Variants in PLOD2 observed in about 807,000 individuals in gnomAD.
PLOD2 encodes lysine hydroxylase 2.
In PLOD2, 65 loss-of-function variants were observed where a neutral mutation model predicts 101.0. That is an observed-to-expected ratio of 0.64 (90% CI 0.53 to 0.79). The LOEUF (loss-of-function observed/expected upper bound fraction) is 0.79. PLOD2 is among the 30% of genes least tolerant of loss of function. The probability of loss-of-function intolerance (pLI) is 0.00; values close to 1 mark genes in which losing one functional copy is unlikely to be tolerated. For synonymous variants in PLOD2, 314 were observed against 302.9 expected, an observed-to-expected ratio of 1.04 and a Z score of -0.38; for missense variants, 909 against 914.6, an observed-to-expected ratio of 0.99 and a Z score of 0.08.
At chr3:146,076,462 C>T in intron 15 of PLOD2, 1 of 192,472 alleles carries the variant, frequency 5.2e-6, no homozygotes, top group Non-Finnish European at 1.1e-5. Context: ...GGCTATATAC[C>T]CAGTAATGGA....
In PLOD2 at chr3:146,070,152, C is replaced by T. The variant is rs1050961366; in HGVS notation, c.*565G>A. Reference sequence around the variant, plus strand: ...ATACGCTCCTCGGTTGTGTTTTGTACCATTTTCTTGAGGAAAACGTTGTGT... The same window carrying T: ...ATACGCTCCTCGGTTGTGTTTTGTATCATTTTCTTGAGGAAAACGTTGTGT... On this transcript the variant is annotated 3_prime_UTR_variant, in exon 20 of 20. Coordinates refer to ENST00000282903, the MANE Select transcript of PLOD2 (RefSeq NM_182943.3). The T allele has an allele frequency of 1.3e-5, 2 of 151,880 alleles. No homozygotes were observed. Among genetic ancestry groups the T allele is most frequent in the African/African-American group, 4.8e-5 (2 of 41,384 alleles). The allele number at this position is 151,880 out of a possible 1,614,324, so 9.4% of individuals were successfully genotyped here.
chr3:146,070,051 G>A lies in PLOD2; in HGVS notation c.*666C>T, dbSNP rs1936065909. The A allele has an allele frequency of 6.6e-6, 1 of 151,856 alleles. No individual in the cohort carries two copies. Among genetic ancestry groups the A allele is most frequent in the African/African-American group, 2.4e-5 (1 of 41,416 alleles). 9.4% of individuals were successfully genotyped at this position (151,856 alleles called of 1,614,324 possible). On this transcript the variant is annotated 3_prime_UTR_variant, in exon 20 of 20. Coordinates refer to ENST00000282903, the MANE Select transcript of PLOD2 (RefSeq NM_182943.3). ...TCCACTTTGGAAGATTCATCTGAAA[G>A]AAACATAGGGTTTGATTTTTAATAC... is the stretch of plus-strand genomic sequence containing the variant.
Position 146,104,352 on chromosome 3 carries a change from A to G in PLOD2, c.616-10T>C, listed in dbSNP as rs1559850780. 7.2e-7 allele frequency: 1 copy of G among 1,381,240 alleles called. No individual in the cohort carries two copies. Among genetic ancestry groups the G allele is most frequent in the East Asian group, 2.3e-5 (1 of 43,760 alleles). The allele number at this position is 1,381,240 out of a possible 1,614,324, so 85.6% of individuals were successfully genotyped here. ...TGATGTTAATAGCTTCCTAAAACAT[A>G]AGAATAGAAATGATATTGAAAATGA... is the stretch of plus-strand genomic sequence containing the variant. On this transcript the variant is annotated splice_polypyrimidine_tract_variant and intron_variant, in intron 5 of 19. Transcript: ENST00000282903.
At chr3:146,156,375 T>C (rs61050446) in intron 1 of PLOD2, among the ~76,000 whole-genome samples, 49,039 of 152,168 alleles carry the variant, frequency 0.32, 8,190 homozygotes, top group South Asian at 0.42. Flanking sequence ...TCATAGTCTC[T>C]GTAACTACTA....
chr3:146,125,381 T>A lies in PLOD2; in HGVS notation c.110-1152A>T, dbSNP rs1576614416. ...TACAAAGAAATACTAAATTCAAACA[T>A]TCAATAGTCAACCAAAAAAAATAAT... On this transcript the variant is annotated intron_variant, in intron 1 of 19. Transcript: ENST00000282903. Among the ~76,000 whole-genome samples the A allele has an allele frequency of 3.1e-5, 4 of 129,508 alleles. No individual in the cohort carries two copies. In the Admixed American group the frequency reaches 3.1e-4, roughly 10 times the overall value. 85.0% of individuals were successfully genotyped at this position (129,508 alleles called of 152,430 possible).
At chr3:146,146,944 T>C (rs963995699) in intron 1 of PLOD2, among the ~76,000 whole-genome samples, 8 of 152,154 alleles carry the variant, frequency 5.3e-5, no homozygotes, top group African/African-American at 1.7e-4. Flanking sequence ...ATCTTGTTAG[T>C]TGTGACTAGG....
chr3:146,120,022 A>C (rs567085283), intron 3 of PLOD2, among the ~76,000 whole-genome samples: 1 of 152,168 alleles, frequency 6.6e-6, no homozygotes, highest in Admixed American at 6.5e-5. Flanking sequence ...CACCACACTG[A>C]CTTCCACAAT....
intron 6 of PLOD2, among the ~76,000 whole-genome samples, chr3:146,103,247 G>T (rs1343625065): frequency 6.6e-6 from 1 of 152,038 alleles, no homozygotes; most frequent in African/African-American, 2.4e-5. Flanking sequence ...GTCTTTTAGG[G>T]TTATTATGAA....
In PLOD2 at chr3:146,121,193, C is replaced by T. The variant is rs777324125; in HGVS notation, c.257G>A (p.Gly86Glu). The T allele has an allele frequency of 1.5e-5, 24 of 1,607,880 alleles. No individual in the cohort carries two copies. The highest frequency in any genetic ancestry group is 2.0e-5 in the Non-Finnish European group (23 of 1,174,694). ...TTTCATTAATCTCACTTTCTGGCCC[C>T]CTCCAATACTATTAATTCCATCACC... ...RGGDGINSIG[G>E]GQKVRLMKEV... is the part of the protein sequence containing the mutation. The change falls in exon 3 of 20, where the codon GGG (glycine) becomes GAG (glutamate). Residue 86 changes from glycine (G) to glutamate (E), a missense_variant. Gly to Glu is a moderately conservative substitution (Grantham distance 98, BLOSUM62 -2). Coordinates refer to ENST00000282903, the MANE Select transcript of PLOD2 (RefSeq NM_182943.3).
chr3:146,070,802 T>G lies in PLOD2; in HGVS notation c.2192A>C (p.His731Pro). 1 of 1,609,968 alleles carries G rather than the reference T, an allele frequency of 6.2e-7. No individual in the cohort carries two copies. Among genetic ancestry groups the G allele is most frequent in the African/African-American group, 1.3e-5 (1 of 74,858 alleles). ...ATGCAAATGTGTGAGTCTCCCAGGA[T>G]GCATGAAGCTCCAGCCTTTTCGTGG... The part of the protein sequence containing the change: ...ESPRKGWSFM[H>P]PGRLTHLHEG... Residue 731 changes from histidine to proline, a missense_variant, in exon 20 of 20, where the codon CAT becomes CCT. Transcript: ENST00000282903.
intron 12 of PLOD2, among the ~76,000 whole-genome samples, chr3:146,079,571 G>A (rs777246237): frequency 1.3e-5 from 2 of 151,674 alleles, no homozygotes; most frequent in Admixed American, 6.6e-5. Context: ...TTGTATAGAC[G>A]GTGTTTCTAT....
chr3:146,135,966 T>C (rs751227900), intron 1 of PLOD2, among the ~76,000 whole-genome samples: 3 of 152,190 alleles, frequency 2.0e-5, no homozygotes, highest in Non-Finnish European at 4.4e-5. Flanking sequence ...TGTAAGATTG[T>C]ATCTCTACAA....
intron 11 of PLOD2, 47 bp downstream of exon 11, chr3:146,085,122 A>G: frequency 1.1e-6 from 1 of 907,280 alleles, no homozygotes; most frequent in Admixed American, 1.8e-5. Context: ...ATCAATATGA[A>G]AAATAATCAT....
intron 3 of PLOD2, among the ~76,000 whole-genome samples, chr3:146,113,390 A>T (rs1246117768): frequency 2.0e-5 from 3 of 152,220 alleles, no homozygotes; most frequent in Non-Finnish European, 4.4e-5. Flanking sequence ...TGGCTGTAAA[A>T]AGTCAAATTG....
At chr3:146,103,950 C>T (rs573437775) in intron 6 of PLOD2, among the ~76,000 whole-genome samples, 1 of 151,728 alleles carries the variant, frequency 6.6e-6, no homozygotes, top group Admixed American at 6.6e-5. Context: ...CTGGGTAATT[C>T]GTAATACAAA....
chr3:146,077,106 C>A, intron 14 of PLOD2: 3 of 1,211,514 alleles, frequency 2.5e-6, no homozygotes, highest in Non-Finnish European at 3.1e-6. Context: ...TAGTAGATAG[C>A]ACTGACACTC....
chr3:146,076,011 C>T (rs1235519005), intron 15 of PLOD2: 1 of 151,450 alleles, frequency 6.6e-6, no homozygotes, highest in African/African-American at 2.4e-5. Flanking sequence ...ATGCATGATG[C>T]TAAGGTTTAG....
At chr3:146,106,704 T>C (rs1483614017) in intron 4 of PLOD2, 60 bp from the exon 5 acceptor site, 6 of 852,594 alleles carry the variant, frequency 7.0e-6, no homozygotes, top group Admixed American at 3.4e-5. Context: ...ACTGGTGTCA[T>C]GTTAATTTCA....
At chr3:146,102,874 G>C (rs759633891) in intron 6 of PLOD2, 22 bp from the exon 7 acceptor site, 3 of 1,268,176 alleles carry the variant, frequency 2.4e-6, no homozygotes, top group African/African-American at 1.5e-5. Flanking sequence ...AGAGAAAATA[G>C]GCTTTAGTAA....
Sources: allele counts gnomAD v4.1 joint callset (sites outside exome capture counted in the v4.1 genomes callset), GRCh38; gene constraint gnomAD v4.1.1; transcripts MANE v1.5; gene names NCBI Gene and HGNC (gene_info 2026-07-23, HGNC 2026-07-21).